The following CAMKMT variants were observed in gnomAD, a reference collection of about 807,000 sequenced individuals.
CAMKMT encodes the protein calmodulin-lysine N-methyltransferase.
Under a neutral mutation model 48.0 loss-of-function variants are expected in CAMKMT, and 53 were observed. That is an observed-to-expected ratio of 1.10 (90% CI 0.89 to 1.39). The LOEUF (loss-of-function observed/expected upper bound fraction) is 1.39. CAMKMT is among the 40% of genes most tolerant of loss of function. CAMKMT has a pLI of 0.00. For missense variants in CAMKMT, 428 were observed against 402.7 expected (o/e 1.06, Z -0.54); for synonymous variants, 165 against 152.3 (o/e 1.08, Z -0.61).
chr2:44,591,564 T>C (rs1670276278), intron 3 of CAMKMT, among the ~76,000 whole-genome samples: 1 of 152,154 alleles, frequency 6.6e-6, no homozygotes, highest in South Asian at 2.1e-4. Flanking sequence ...TTGTCTGTTA[T>C]TGGTGCTGGA....
At chr2:44,425,234 A>T (rs915358413) in intron 3 of CAMKMT, among the ~76,000 whole-genome samples, 6 of 152,220 alleles carry the variant, frequency 3.9e-5, no homozygotes, top group African/African-American at 1.2e-4. Context: ...AAATGAATAA[A>T]ACATTATCTT....
chr2:44,592,119 C>T (rs1040395036), intron 3 of CAMKMT, among the ~76,000 whole-genome samples: 7 of 151,744 alleles, frequency 4.6e-5, no homozygotes, highest in East Asian at 1.9e-4. Context: ...TGCTAAATGA[C>T]GAGTTAATGG....
At chr2:44,587,127 A>G (rs1229447022) in intron 3 of CAMKMT, among the ~76,000 whole-genome samples, 2 of 152,136 alleles carry the variant, frequency 1.3e-5, no homozygotes, top group Admixed American at 1.3e-4. Context: ...TAAATTTGAT[A>G]ATTTGTTTTC....
intron 3 of CAMKMT, among the ~76,000 whole-genome samples, chr2:44,589,072 C>T (rs1201911464): frequency 4.1e-4 from 12 of 28,972 alleles, no homozygotes; most frequent in African/African-American, 5.8e-4. Flanking sequence ...TCTGCCCGGC[C>T]GCCCCTACTG....
chr2:44,735,752 C>A (rs958021209), intron 7 of CAMKMT, among the ~76,000 whole-genome samples: 14 of 150,356 alleles, frequency 9.3e-5, no homozygotes, highest in African/African-American at 2.2e-4. Context: ...AAAAAAAAAA[C>A]AAAAACAAAA....
chr2:44,462,661 A>T (rs1301614979), intron 3 of CAMKMT, among the ~76,000 whole-genome samples: 1 of 152,140 alleles, frequency 6.6e-6, no homozygotes, highest in Non-Finnish European at 1.5e-5. Flanking sequence ...CTGACAGTTT[A>T]AAATTATACA....
intron 3 of CAMKMT, among the ~76,000 whole-genome samples, chr2:44,683,165 A>G (rs1676118420): frequency 6.6e-6 from 1 of 152,116 alleles, no homozygotes. Flanking sequence ...GTATTGGAGC[A>G]TGGAAAGGAG....
At chr2:44,540,721 A>G (rs1667054750) in intron 3 of CAMKMT, among the ~76,000 whole-genome samples, 1 of 152,252 alleles carries the variant, frequency 6.6e-6, no homozygotes, top group African/African-American at 2.4e-5. Context: ...ACTGCACTCC[A>G]GCCTGGGCAA....
At chr2:44,680,294 C>T (rs1374562851) in intron 3 of CAMKMT, among the ~76,000 whole-genome samples, 2 of 152,138 alleles carry the variant, frequency 1.3e-5, no homozygotes, top group Non-Finnish European at 2.9e-5. Context: ...GCAGCCATGG[C>T]TATTATTTTC....
At chr2:44,559,001 A>G (rs1053285344) in intron 3 of CAMKMT, among the ~76,000 whole-genome samples, 5 of 152,038 alleles carry the variant, frequency 3.3e-5, no homozygotes, top group African/African-American at 1.2e-4. Flanking sequence ...AGATAGATAG[A>G]TAGATAAACA....
At chr2:44,602,595 G>A (rs1371359843) in intron 3 of CAMKMT, among the ~76,000 whole-genome samples, 1 of 152,030 alleles carries the variant, frequency 6.6e-6, no homozygotes, top group Admixed American at 6.6e-5. Context: ...AGTTCCACAA[G>A]CTTAACAGGA....
intron 3 of CAMKMT, among the ~76,000 whole-genome samples, chr2:44,582,667 C>T (rs1669629386): frequency 6.6e-6 from 1 of 152,138 alleles, no homozygotes; most frequent in African/African-American, 2.4e-5. Context: ...TATGTTCTTA[C>T]TTTTAAAAGA....
chr2:44,516,263 C>G (rs374913058), intron 3 of CAMKMT, among the ~76,000 whole-genome samples: 2 of 152,152 alleles, frequency 1.3e-5, no homozygotes, highest in African/African-American at 2.4e-5. Context: ...TTTAGAAACA[C>G]TTAATGAAGT....
intron 3 of CAMKMT, among the ~76,000 whole-genome samples, chr2:44,503,832 G>A (rs530814691): frequency 1.3e-5 from 2 of 152,086 alleles, no homozygotes; most frequent in African/African-American, 2.4e-5. Flanking sequence ...TAAGATCAAG[G>A]TGCCTCCAGA....
At chr2:44,581,601 T>C (rs1347762689) in intron 3 of CAMKMT, among the ~76,000 whole-genome samples, 1 of 152,248 alleles carries the variant, frequency 6.6e-6, no homozygotes, top group South Asian at 2.1e-4. Context: ...TAAATAATTA[T>C]AACATTCCAA....
chr2:44,500,553 T>C (rs1405498256), intron 3 of CAMKMT, among the ~76,000 whole-genome samples: 2 of 152,178 alleles, frequency 1.3e-5, no homozygotes, highest in South Asian at 4.1e-4. Context: ...TATATATTTA[T>C]GTTGATTAGA....
In CAMKMT at chr2:44,706,278, C is replaced by G. The variant is rs768046810; in HGVS notation, c.438-9C>G. ...GTATGGGTTCTACCATTTCTTTTCT[C>G]TCTTTCAGGGCCCTTGCTGTGTGTG... On this transcript the variant is annotated splice_polypyrimidine_tract_variant and intron_variant, in intron 4 of 10. Coordinates refer to ENST00000378494, the MANE Select transcript of CAMKMT (RefSeq NM_024766.5). The G allele has an allele frequency of 1.2e-6, 2 of 1,613,244 alleles. No homozygotes were observed. The highest frequency in any genetic ancestry group is 8.5e-7 in the Non-Finnish European group (1 of 1,179,422).
chr2:44,448,763 G>C (rs1290872970), intron 3 of CAMKMT, among the ~76,000 whole-genome samples: 1 of 152,150 alleles, frequency 6.6e-6, no homozygotes, highest in Non-Finnish European at 1.5e-5. Context: ...CTGTAAATCA[G>C]TGAGTGGATA....
At chr2:44,740,660 G>A (rs1679628007) in intron 7 of CAMKMT, among the ~76,000 whole-genome samples, 1 of 152,216 alleles carries the variant, frequency 6.6e-6, no homozygotes. Flanking sequence ...GAGGATGCTT[G>A]TGTGCTGTCT....
Sources: allele counts gnomAD v4.1 joint callset (sites outside exome capture counted in the v4.1 genomes callset), GRCh38; gene constraint gnomAD v4.1.1; transcripts MANE v1.5; gene names NCBI Gene and HGNC (gene_info 2026-07-23, HGNC 2026-07-21).